Variants in LMX1B observed in about 807,000 individuals in gnomAD.
LMX1B encodes LIM homeobox transcription factor 1-beta.
In LMX1B, 12 loss-of-function variants were observed where a neutral mutation model predicts 51.4. That is an observed-to-expected ratio of 0.23 (90% CI 0.15 to 0.38). LMX1B has a LOEUF of 0.38. Ranked by LOEUF, LMX1B falls within the 10% of genes least tolerant of loss-of-function variation. LMX1B has a pLI of 1.00. For synonymous variants in LMX1B, 237 were observed against 235.4 expected, an observed-to-expected ratio of 1.01 and a Z score of -0.06; for missense variants, 445 against 571.1, an observed-to-expected ratio of 0.78 and a Z score of 2.25.
rs1353600039 is a variant in LMX1B at position 126,673,223 on chromosome 9, G to A, written c.327-17613G>A. 6.6e-6 allele frequency among the ~76,000 whole-genome samples: 1 copy of A among 152,154 alleles called. No homozygotes were observed. The highest frequency in any genetic ancestry group is 1.5e-5 in the Non-Finnish European group (1 of 68,004). On this transcript the variant is annotated intron_variant, in intron 2 of 7. Transcript: ENST00000373474. The surrounding 1 kb of genome is among the most constrained non-coding windows in gnomAD (Gnocchi z 4.4). Reference sequence around the variant, plus strand: ...CAGGTATCCATGCTGGGGTCTGGGGGAGCCCCAGACACCACAGGGAGCCCC... The same window carrying A: ...CAGGTATCCATGCTGGGGTCTGGGGAAGCCCCAGACACCACAGGGAGCCCC...
At chr9:126,653,536 C>T (rs973409906) in intron 2 of LMX1B, among the ~76,000 whole-genome samples, 5 of 152,080 alleles carry the variant, frequency 3.3e-5, no homozygotes, top group African/African-American at 1.2e-4. Context: ...TAGAGAGGTC[C>T]CTGTACCCTT....
chr9:126,686,504 T>C (rs1452812200), intron 2 of LMX1B, among the ~76,000 whole-genome samples: 1 of 152,082 alleles, frequency 6.6e-6, no homozygotes, highest in Non-Finnish European at 1.5e-5. Flanking sequence ...CTCCATAATA[T>C]CAGATGATCC....
intron 7 of LMX1B, 138 bp from the exon 8 acceptor site, chr9:126,696,156 C>T: frequency 1.7e-6 from 2 of 1,157,264 alleles, no homozygotes; most frequent in African/African-American, 1.5e-5. Context: ...GGAAGGGCCC[C>T]AGTCCTTCTT....
At chr9:126,680,421 A>G (rs1310979222) in intron 2 of LMX1B, among the ~76,000 whole-genome samples, 4 of 152,196 alleles carry the variant, frequency 2.6e-5, no homozygotes, top group Admixed American at 6.5e-5. Flanking sequence ...GATGTTGCCT[A>G]CCTCGCAGGG....
intron 2 of LMX1B, among the ~76,000 whole-genome samples, chr9:126,624,579 C>A (rs1835482734): frequency 1.3e-5 from 2 of 152,222 alleles, no homozygotes; most frequent in African/African-American, 2.4e-5. Flanking sequence ...AAGCCGAGTT[C>A]CCGGCGCGGA....
intron 2 of LMX1B, among the ~76,000 whole-genome samples, chr9:126,688,320 T>A (rs1401717596): frequency 6.6e-6 from 1 of 152,248 alleles, no homozygotes; most frequent in East Asian, 1.9e-4. Flanking sequence ...TCACCCGCCC[T>A]GCTGCCCCTT....
intron 2 of LMX1B, among the ~76,000 whole-genome samples, chr9:126,628,437 C>T (rs1371733891): frequency 2.6e-5 from 4 of 152,154 alleles, no homozygotes; most frequent in African/African-American, 4.8e-5. Flanking sequence ...TGTTATGATT[C>T]GGAAAAGGTC....
At chr9:126,624,188 C>T (rs1372410064) in intron 2 of LMX1B, among the ~76,000 whole-genome samples, 1 of 152,244 alleles carries the variant, frequency 6.6e-6, no homozygotes, top group African/African-American at 2.4e-5. Flanking sequence ...GGCCCTGCAG[C>T]AGCTTTCGGG....
At chr9:126,653,571 A>G (rs751008970) in intron 2 of LMX1B, among the ~76,000 whole-genome samples, 7 of 152,132 alleles carry the variant, frequency 4.6e-5, no homozygotes, top group Non-Finnish European at 1.0e-4. Flanking sequence ...CAGCCGCGGG[A>G]CAACATCACA....
intron 2 of LMX1B, among the ~76,000 whole-genome samples, chr9:126,638,926 T>C (rs1046358328): frequency 5.3e-5 from 8 of 151,894 alleles, no homozygotes; most frequent in Non-Finnish European, 1.5e-5. Flanking sequence ...GCATTATACA[T>C]GGCAGCTCCT....
rs1229742910 is a variant in LMX1B, at chr9:126,625,268, G to A, written c.326+9699G>A. 6.6e-6 allele frequency among the ~76,000 whole-genome samples: 1 copy of A among 152,244 alleles called. No homozygotes were observed. Among genetic ancestry groups the A allele is most frequent in the Non-Finnish European group, 1.5e-5 (1 of 68,044 alleles). ...CTCAGGAGCCGGAGCGTTGCCGTGG[G>A]GGCGGGGGAAGGGGTGGTTTTGCGG... On this transcript the variant is annotated intron_variant, in intron 2 of 7. Coordinates refer to ENST00000373474, the MANE Select transcript of LMX1B (RefSeq NM_001174147.2). The surrounding 1 kb of genome is among the most constrained non-coding windows in gnomAD (Gnocchi z 5.3).
At chr9:126,651,198 T>C (rs1001841178) in intron 2 of LMX1B, among the ~76,000 whole-genome samples, 2 of 151,820 alleles carry the variant, frequency 1.3e-5, no homozygotes, top group African/African-American at 4.8e-5. Context: ...GGCTGACTGA[T>C]CCTCCTCCAT....
intron 6 of LMX1B, among the ~76,000 whole-genome samples, chr9:126,694,626 G>T (rs1211262785): frequency 1.3e-5 from 2 of 152,226 alleles, no homozygotes; most frequent in African/African-American, 4.8e-5. Context: ...CTGCGCCCTG[G>T]TGAGAGGGAG....
At chr9:126,628,482 G>T (rs750792564) in intron 2 of LMX1B, among the ~76,000 whole-genome samples, 10 of 152,236 alleles carry the variant, frequency 6.6e-5, no homozygotes, top group Admixed American at 1.3e-4. Context: ...AGGAGAGGCC[G>T]CCAGCAACAG....
In LMX1B at chr9:126,683,438, G is replaced by C. The variant is rs548246985; in HGVS notation, c.327-7398G>C. Among the ~76,000 whole-genome samples the C allele has an allele frequency of 6.6e-5, 10 of 152,316 alleles. No homozygotes were observed. The East Asian group carries it at 1.4e-3, about 21-fold the overall frequency. Reference sequence around the variant, plus strand: ...AATGATAAGGACGCGGCAGGCACGTGGGGGAGATGTCAGCGAGTCCGGCAG... The same window carrying C: ...AATGATAAGGACGCGGCAGGCACGTCGGGGAGATGTCAGCGAGTCCGGCAG... On this transcript the variant is annotated intron_variant, in intron 2 of 7. Transcript: ENST00000373474.
chr9:126,657,356 G>A (rs941495844), intron 2 of LMX1B, among the ~76,000 whole-genome samples: 5 of 152,292 alleles, frequency 3.3e-5, no homozygotes, highest in Middle Eastern at 3.4e-3. Flanking sequence ...CTGATATGAC[G>A]CACAAAATGC....
chr9:126,643,301 C>T (rs556340685), intron 2 of LMX1B, among the ~76,000 whole-genome samples: 73 of 152,212 alleles, frequency 4.8e-4, no homozygotes, highest in Non-Finnish European at 7.8e-4. Context: ...CCCCTGGGAG[C>T]GCCAACTCTC....
At chr9:126,616,714 C>T (rs1835309203) in intron 2 of LMX1B, among the ~76,000 whole-genome samples, 1 of 152,216 alleles carries the variant, frequency 6.6e-6, no homozygotes, top group Admixed American at 6.5e-5. Flanking sequence ...TGAGTGCAAC[C>T]TACCTGTTCT....
chr9:126,628,132 A>G (rs946951011), intron 2 of LMX1B, among the ~76,000 whole-genome samples: 1 of 152,188 alleles, frequency 6.6e-6, no homozygotes, highest in Admixed American at 6.5e-5. Flanking sequence ...ACATCCCACC[A>G]TCTTTCTTGT....
Sources: allele counts gnomAD v4.1 joint callset (sites outside exome capture counted in the v4.1 genomes callset), GRCh38; gene constraint gnomAD v4.1.1; non-coding constraint Gnocchi (gnomAD v3.1); transcripts MANE v1.5; gene names NCBI Gene and HGNC (gene_info 2026-07-23, HGNC 2026-07-21).